Variants in EPHA2 observed in about 807,000 individuals in gnomAD.
EPHA2 encodes ephrin type-A receptor 2.
Under a neutral mutation model 104.9 loss-of-function variants are expected in EPHA2, and 54 were observed. The ratio of observed to expected loss-of-function variants is 0.51; its 90% CI spans 0.41 to 0.65. The LOEUF (loss-of-function observed/expected upper bound fraction) is 0.65, where lower values mean the gene tolerates loss of function less well. EPHA2 is among the 30% of genes least tolerant of loss of function. The pLI, the probability that EPHA2 is intolerant of heterozygous loss-of-function variation, is 0.00. For missense variants in EPHA2, 1,117 were observed against 1,369.5 expected (o/e 0.82, Z 2.91); for synonymous variants, 560 against 559.1 (o/e 1.00, Z -0.02).
chr1:16,150,491 T>G lies in EPHA2; in HGVS notation c.153+405A>C, dbSNP rs982501002. Among the ~76,000 whole-genome samples the G allele has an allele frequency of 9.9e-5, 15 of 152,218 alleles. No homozygotes were observed. Among genetic ancestry groups the G allele is most frequent in the Admixed American group, 7.2e-4 (11 of 15,290 alleles). ...AACTTGATCAGGTTTTCCTGTTCCC[T>G]GTCTCTTCTTCACCCCTCACCTCCT... On this transcript the variant is annotated intron_variant, in intron 2 of 16. Transcript: ENST00000358432. The surrounding 1 kb of genome is among the most constrained non-coding windows in gnomAD (Gnocchi z 4.8).
At chr1:16,140,971 GAT>G (rs2124237278) in intron 3 of EPHA2, among the ~76,000 whole-genome samples, 1 of 152,262 alleles carries the variant, frequency 6.6e-6, no homozygotes, top group South Asian at 2.1e-4. Flanking sequence ...GGCCTCAAGT[GAT>G]CCTCCCACCT....
At position 16,129,439 on chromosome 1, in the gene EPHA2, G is replaced by T. The variant is rs1426907777; in HGVS notation, c.2820C>A (p.Thr940=). The T allele has an allele frequency of 6.2e-7, 1 of 1,613,240 alleles. No individual in the cohort carries two copies. The highest frequency in any genetic ancestry group is 8.5e-7 in the Non-Finnish European group (1 of 1,179,986). The change falls in exon 16 of 17, where the codon ACC becomes ACA. Residue 940 remains threonine (T), a synonymous_variant. Transcript: ENST00000358432. ...YTAIEKVVQM[T]NDDIKRIGVR... ...CGGAAAGGGGCCTGACTTACTCGTT[G>T]GTCATCTGCACCACCTTCTCGATGG...
At chr1:16,136,546 G>C (rs1449506851) in intron 5 of EPHA2, among the ~76,000 whole-genome samples, 10 of 149,968 alleles carry the variant, frequency 6.7e-5, no homozygotes, top group African/African-American at 2.4e-4. Flanking sequence ...TTGAATCCGG[G>C]ATGCAGAGGT....
At chr1:16,138,483 A>AC in intron 3 of EPHA2, 53 bp from the exon 4 acceptor site, 7 of 1,610,856 alleles carry the variant, frequency 4.3e-6, no homozygotes, top group Non-Finnish European at 5.9e-6. Flanking sequence ...ATCTGCTTCC[A>AC]CCCCACGTGA....
intron 3 of EPHA2, among the ~76,000 whole-genome samples, chr1:16,143,923 A>AG (rs1295462669): frequency 2.6e-5 from 4 of 152,106 alleles, no homozygotes; most frequent in African/African-American, 9.7e-5. Flanking sequence ...TCTCTGCAGA[A>AG]GGGGGGCTGC....
At chr1:16,126,869 C>G (rs1033725680) in intron 16 of EPHA2, among the ~76,000 whole-genome samples, 3 of 152,196 alleles carry the variant, frequency 2.0e-5, no homozygotes, top group Non-Finnish European at 2.9e-5. Context: ...CCATCACCCC[C>G]ACAGCACCTG....
Position 16,138,007 on chromosome 1 carries a change from C to T in EPHA2, c.1158G>A (p.Ser386=), listed in dbSNP as rs376552651. The T allele has an allele frequency of 4.9e-5, 79 of 1,613,792 alleles. No homozygotes were observed. The African/African-American group carries it at 6.0e-4, about 12-fold the overall frequency. The change falls in exon 5 of 17, where the codon TCG becomes TCA. Residue 386 remains serine, a synonymous_variant. Coordinates refer to ENST00000358432, the MANE Select transcript of EPHA2 (RefSeq NM_004431.5). ...TGCGGGTCAGTCCGTGAGGAGGCTC[C>T]GAGTAGCGCACACTGGCCTCACACG... The part of the protein sequence containing the change: ...CGPCEASVRY[S]EPPHGLTRTS...
chr1:16,127,363 G>A (rs180731119), intron 16 of EPHA2, among the ~76,000 whole-genome samples: 139 of 152,204 alleles, frequency 9.1e-4, no homozygotes, highest in Non-Finnish European at 1.4e-3. Context: ...CACGCCTTTC[G>A]TCAGCTGCTC....
At chr1:16,129,880 A>G (rs1459954794) in intron 15 of EPHA2, among the ~76,000 whole-genome samples, 2 of 152,174 alleles carry the variant, frequency 1.3e-5, no homozygotes, top group Admixed American at 6.5e-5. Context: ...TGAGGTCACA[A>G]TCCCAGCCTG....
At chr1:16,153,493 C>A (rs1156685311) in intron 1 of EPHA2, among the ~76,000 whole-genome samples, 1 of 152,236 alleles carries the variant, frequency 6.6e-6, no homozygotes, top group Admixed American at 6.5e-5. Context: ...GCACCCCCTG[C>A]CACCCGCCCA....
intron 11 of EPHA2, 149 bp from the exon 12 acceptor site, chr1:16,132,588 G>T: frequency 1.2e-6 from 1 of 817,502 alleles, no homozygotes; most frequent in Non-Finnish European, 2.0e-6. Flanking sequence ...GGTGGGTACA[G>T]GTATGGGGAG....
At chr1:16,132,526 G>A (rs2024593836) in intron 11 of EPHA2, 87 bp from the exon 12 acceptor site, 1 of 1,467,986 alleles carries the variant, frequency 6.8e-7, no homozygotes, top group Non-Finnish European at 9.5e-7. Context: ...GTGGGCACAG[G>A]TGTAGGAGAG....
At position 16,135,069 on chromosome 1, in the gene EPHA2, C is replaced by T. The variant is rs2024655223; in HGVS notation, c.1549G>A (p.Ala517Thr). Residue 517 changes from alanine (A) to threonine (T), a missense_variant, in exon 7 of 17, where the codon GCC (alanine) becomes ACC (threonine). Coordinates refer to ENST00000358432, the MANE Select transcript of EPHA2 (RefSeq NM_004431.5). The surrounding 1 kb of genome is among the most constrained non-coding windows in gnomAD (Gnocchi z 4.3). ...VQALTQEGQGAGSKVHEFQTL... is the reference protein window; with the variant it reads ...VQALTQEGQGTGSKVHEFQTL... ...TGGAATTCGTGCACCTTGCTGCCGG[C>T]CCCCTGGCCCTCCTGCGTCAGTGCC... 6.2e-7 allele frequency: 1 copy of T among 1,613,516 alleles called. No individual in the cohort carries two copies. The highest frequency in any genetic ancestry group is 8.5e-7 in the Non-Finnish European group (1 of 1,180,028).
rs112874800 is a variant in EPHA2 at position 16,130,631 on chromosome 1, CTT to C, written c.2476-214_2476-213del. 2.1e-5 allele frequency among the ~76,000 whole-genome samples: 3 copies of C among 145,254 alleles called. No individual in the cohort carries two copies. Among genetic ancestry groups the C allele is most frequent in the Non-Finnish European group, 1.5e-5 (1 of 65,732 alleles). ...TGTGTCCAGAGTTCACTGGAAGGGA[CTT>C]TTTTTTTTTTGACTGAGACAGGGTC... On this transcript the variant is annotated intron_variant, in intron 14 of 16. Transcript: ENST00000358432. The surrounding 1 kb of genome is among the most constrained non-coding windows in gnomAD (Gnocchi z 4.5).
At position 16,131,672 on chromosome 1, in the gene EPHA2, G is replaced by A; in HGVS notation, c.2475+49C>T. On this transcript the variant is annotated intron_variant, in intron 14 of 16. Transcript: ENST00000358432. This position sits in a 1 kb window ranked among gnomAD's most constrained non-coding sequence, Gnocchi z 5.2. Reference sequence around the variant, plus strand: ...GCCCCTGCAGTTTGAGATGAGTAAAGGGCTTGAGTTCAGGTCCGGACAGGC... The same window carrying A: ...GCCCCTGCAGTTTGAGATGAGTAAAAGGCTTGAGTTCAGGTCCGGACAGGC... 3.1e-6 allele frequency: 5 copies of A among 1,612,710 alleles called. No individual in the cohort carries two copies. Among genetic ancestry groups the A allele is most frequent in the Non-Finnish European group, 4.2e-6 (5 of 1,179,470 alleles).
At chr1:16,137,738 T>TGCTCTGCTGCCTCTCTC in intron 5 of EPHA2, 115 bp downstream of exon 5, 1 of 1,309,422 alleles carries the variant, frequency 7.6e-7, no homozygotes. Context: ...CACTGTGCCT[T>TGCTCTGCTGCCTCTCTC]TAACCACTTG....
intron 9 of EPHA2, 62 bp downstream of exon 9, chr1:16,133,798 T>G (rs1175537477): frequency 4.7e-6 from 7 of 1,497,450 alleles, no homozygotes; most frequent in African/African-American, 4.2e-5. Flanking sequence ...TGCCCCCACC[T>G]CCCCCACAGA....
Position 16,137,976 on chromosome 1 carries a change from C to A in EPHA2, c.1189G>T (p.Val397Leu). ...EPPHGLTRTS[V>L]TVSDLEPHMN... ...TGGGGCTCCAGGTCGCTCACTGTCA[C>A]ACTGGTGCGGGTCAGTCCGTGAGGA... Residue 397 changes from valine (V) to leucine (L), a missense_variant, in exon 5 of 17, where the codon GTG (valine) becomes TTG (leucine). Physicochemically the swap from Val to Leu is conservative, Grantham distance 32 (BLOSUM62 1). Coordinates refer to ENST00000358432, the MANE Select transcript of EPHA2 (RefSeq NM_004431.5). 1 of 1,614,192 alleles carries A rather than the reference C, an allele frequency of 6.2e-7. No homozygotes were observed. Among genetic ancestry groups the A allele is most frequent in the Non-Finnish European group, 8.5e-7 (1 of 1,180,050 alleles).
rs2024547609 is a variant in EPHA2 at position 16,130,242 on chromosome 1, C to T, written c.2653G>A (p.Ala885Thr). The T allele has an allele frequency of 6.2e-7, 1 of 1,614,126 alleles. No individual in the cohort carries two copies. The highest frequency in any genetic ancestry group is 8.5e-7 in the Non-Finnish European group (1 of 1,180,000). The change falls in exon 15 of 17, where the codon GCT becomes ACT. Residue 885 changes from alanine to threonine, a missense_variant. By Grantham distance (58) the Ala-to-Thr change is moderately conservative (BLOSUM62 0). Coordinates refer to ENST00000358432, the MANE Select transcript of EPHA2 (RefSeq NM_004431.5). The surrounding 1 kb of genome is among the most constrained non-coding windows in gnomAD (Gnocchi z 4.5). ...IRAPDSLKTL[A>T]DFDPRVSIRL... is the part of the protein sequence containing the mutation. ...AGAACTCACCGGGGGTCAAAGTCAGCCAGGGTCTTGAGGGAGTCAGGGGCA... is the reference window on the plus strand; with the variant it reads ...AGAACTCACCGGGGGTCAAAGTCAGTCAGGGTCTTGAGGGAGTCAGGGGCA...
Sources: allele counts gnomAD v4.1 joint callset (sites outside exome capture counted in the v4.1 genomes callset), GRCh38; gene constraint gnomAD v4.1.1; non-coding constraint Gnocchi (gnomAD v3.1); transcripts MANE v1.5; gene names NCBI Gene and HGNC (gene_info 2026-07-23, HGNC 2026-07-21).